FNBP1: variants seen among roughly 807,000 people sequenced by gnomAD.
FNBP1 encodes the protein formin-binding protein 1.
A neutral mutation model predicts 90.6 loss-of-function variants in FNBP1; 26 were observed. That is an observed-to-expected ratio of 0.29 (90% CI 0.21 to 0.40). FNBP1 has a LOEUF of 0.40. Ranked by LOEUF, FNBP1 falls within the 10% of genes least tolerant of loss-of-function variation. The probability of loss-of-function intolerance (pLI) is 1.00; values close to 1 mark genes in which losing one functional copy is unlikely to be tolerated. For synonymous variants in FNBP1, 260 were observed against 265.2 expected (o/e 0.98, Z 0.19); for missense variants, 635 against 768.0 (o/e 0.83, Z 2.05).
At chr9:129,903,101 C>CGGCTCACTGCAACGATCTT (rs2037275048) in intron 12 of FNBP1, 100 bp from the exon 13 acceptor site, 3 of 1,150,928 alleles carry the variant, frequency 2.6e-6, no homozygotes, top group Non-Finnish European at 3.7e-6. Context: ...GGTGCGATCT[C>CGGCTCACTGCAACGATCTT]GGCTCACTGC....
At chr9:130,050,899 C>A in the FNBP1 span, among the ~76,000 whole-genome samples, 2 of 72,970 alleles carry the variant, frequency 2.7e-5, no homozygotes, top group South Asian at 1.6e-3. Flanking sequence ...CAATCATGCT[C>A]GCTAATTTTT....
chr9:130,020,552 T>C (rs995302227), intron 1 of FNBP1, among the ~76,000 whole-genome samples: 9 of 152,136 alleles, frequency 5.9e-5, no homozygotes, highest in Non-Finnish European at 1.2e-4. Context: ...AAGTGCTGCC[T>C]ATTTGAGAAA....
chr9:129,973,746 G>A (rs373604313), intron 4 of FNBP1, among the ~76,000 whole-genome samples: 4 of 148,758 alleles, frequency 2.7e-5, no homozygotes, highest in Non-Finnish European at 4.4e-5. Context: ...CTCATGATCC[G>A]CCTGCCTTGG....
At chr9:129,987,341 C>T (rs1000360446) in intron 2 of FNBP1, among the ~76,000 whole-genome samples, 1 of 151,854 alleles carries the variant, frequency 6.6e-6, no homozygotes, top group African/African-American at 2.4e-5. Flanking sequence ...TATAGAACCA[C>T]GACAAATCAA....
intron 1 of FNBP1, among the ~76,000 whole-genome samples, chr9:130,007,239 C>CAAAAAAAAAAAAAAAA (rs72063140): frequency 1.4e-4 from 11 of 76,974 alleles, no homozygotes; most frequent in South Asian, 5.6e-4. Context: ...GAGATCCTGT[C>CAAAAAAAAAAAAAAAA]AAAAAAAAAA....
chr9:130,032,108 C>G (rs1170987899), intron 1 of FNBP1, among the ~76,000 whole-genome samples: 1 of 152,144 alleles, frequency 6.6e-6, no homozygotes, highest in Non-Finnish European at 1.5e-5. Flanking sequence ...CACACGTACA[C>G]CTTACTTTTG....
intron 11 of FNBP1, among the ~76,000 whole-genome samples, chr9:129,914,135 C>T (rs903019392): frequency 2.6e-5 from 4 of 151,516 alleles, no homozygotes; most frequent in South Asian, 4.2e-4. Context: ...AGATTACAGG[C>T]GTGAGCCACC....
At chr9:130,038,788 C>T (rs1292524194) in intron 1 of FNBP1, among the ~76,000 whole-genome samples, 1 of 152,104 alleles carries the variant, frequency 6.6e-6, no homozygotes, top group African/African-American at 2.4e-5. Context: ...TCATTAGCAC[C>T]AGAGCAAATA....
intron 4 of FNBP1, among the ~76,000 whole-genome samples, chr9:129,969,551 T>C (rs1213300221): frequency 6.6e-6 from 1 of 152,082 alleles, no homozygotes; most frequent in Non-Finnish European, 1.5e-5. Flanking sequence ...CTACTAAAAT[T>C]CCAAATATTT....
chr9:129,916,062 A>C, intron 10 of FNBP1, 82 bp from the exon 11 acceptor site: 1 of 983,766 alleles, frequency 1.0e-6, no homozygotes. Context: ...AACACATCAG[A>C]AGAAGAGGAA....
At chr9:129,924,456 G>A (rs1394389677) in intron 9 of FNBP1, among the ~76,000 whole-genome samples, 2 of 152,250 alleles carry the variant, frequency 1.3e-5, no homozygotes. Flanking sequence ...AGTTAAAGCA[G>A]TAATGCTGCC....
At chr9:129,909,776 A>G (rs190523704) in intron 11 of FNBP1, among the ~76,000 whole-genome samples, 27 of 152,246 alleles carry the variant, frequency 1.8e-4, no homozygotes, top group African/African-American at 6.5e-4. Context: ...GGCATGTGCC[A>G]CCACGCCCGG....
At chr9:130,048,314 CAAAAAAAAAAAAAA>C in the FNBP1 span, among the ~76,000 whole-genome samples, 1 of 50,722 alleles carries the variant, frequency 2.0e-5, no homozygotes, top group African/African-American at 8.3e-5. Context: ...GACTCCATCT[CAAAAAAAAAAAAAA>C]AAAAAAAAAA....
chr9:129,895,788 ATTTTT>A (rs767653326), intron 16 of FNBP1, 45 bp downstream of exon 16: 1 of 1,479,856 alleles, frequency 6.8e-7, no homozygotes, highest in African/African-American at 1.4e-5. Flanking sequence ...AAACAACTCC[ATTTTT>A]TTTAAGTTTT....
At position 129,916,012 on chromosome 9, in the gene FNBP1, AAT is replaced by A. The variant is rs369375002; in HGVS notation, c.1171-34_1171-33del. On this transcript the variant is annotated intron_variant, in intron 10 of 16. Coordinates refer to ENST00000446176, the MANE Select transcript of FNBP1 (RefSeq NM_015033.3). Reference sequence around the variant, plus strand: ...GTAAAAATTGGAGAGGTATGGGAAAAATAGAGAGAAAGAGAGAGAGAAAGAGA... The same window carrying A: ...GTAAAAATTGGAGAGGTATGGGAAAAAGAGAGAAAGAGAGAGAGAAAGAGA... The A allele has an allele frequency of 1.9e-4, 297 of 1,555,256 alleles. No homozygotes were observed. The East Asian group carries it at 5.5e-3, about 29-fold the overall frequency.
intron 11 of FNBP1, chr9:129,915,061 C>A: frequency 4.4e-6 from 1 of 229,738 alleles, no homozygotes; most frequent in South Asian, 5.2e-5. Context: ...GTGAATAATT[C>A]TAAAAAGGCT....
rs1258375074 is a variant in FNBP1, at chr9:129,915,669, G to A, written c.1185+297C>T. 3.9e-5 allele frequency among the ~76,000 whole-genome samples: 6 copies of A among 152,092 alleles called. No homozygotes were observed. The South Asian group carries it at 8.3e-4, about 21-fold the overall frequency. On this transcript the variant is annotated intron_variant, in intron 11 of 16. Transcript: ENST00000446176. The stretch of plus-strand genomic sequence containing the variant: ...GTGAGCCACTGCGCCCGGCCTTTAC[G>A]TTAATATTTATATAGACACTTTAAC...
chr9:130,011,263 TATATAAA>T (rs1485093550), intron 1 of FNBP1, among the ~76,000 whole-genome samples: 9 of 82,698 alleles, frequency 1.1e-4, no homozygotes, highest in African/African-American at 3.5e-4. Context: ...TATATATATA[TATATAAA>T]ATATATATAA....
At chr9:129,959,548 T>C (rs1346345548) in intron 4 of FNBP1, among the ~76,000 whole-genome samples, 2 of 151,904 alleles carry the variant, frequency 1.3e-5, no homozygotes, top group Admixed American at 6.6e-5. Flanking sequence ...GAGATCGTGC[T>C]AATGCACTCC....
Sources: gnomAD v4.1 joint callset for allele counts (sites outside exome capture counted in the v4.1 genomes callset) on GRCh38, gnomAD v4.1.1 for gene constraint, MANE v1.5 for transcripts, NCBI Gene and HGNC (gene_info 2026-07-23, HGNC 2026-07-21) for gene names.